The following AKAP13 variants were observed in gnomAD, a reference collection of about 807,000 sequenced individuals.
AKAP13 encodes the protein A-kinase anchor protein 13.
A neutral mutation model predicts 264.5 loss-of-function variants in AKAP13; 80 were observed. The ratio of observed to expected loss-of-function variants is 0.30; its 90% CI spans 0.25 to 0.36. The LOEUF is 0.36. AKAP13 is among the 10% of genes least tolerant of loss of function. The probability of loss-of-function intolerance (pLI) is 1.00; values close to 1 mark genes in which losing one functional copy is unlikely to be tolerated. For synonymous variants in AKAP13, 1,380 were observed against 1,250.2 expected (o/e 1.10, Z -2.19); for missense variants, 3,712 against 3,435.2 (o/e 1.08, Z -2.01).
chr15:85,484,418 CAGG>C, intron 1 of AKAP13, among the ~76,000 whole-genome samples: 1 of 151,966 alleles, frequency 6.6e-6, no homozygotes, highest in East Asian at 1.9e-4. Flanking sequence ...TGCCCTGAGC[CAGG>C]AGGTCTGTTA....
At position 85,718,840 on chromosome 15, in the gene AKAP13, C is replaced by A; in HGVS notation, c.6002-236C>A. On this transcript the variant is annotated intron_variant, in intron 22 of 36. Transcript: ENST00000394518. The surrounding 1 kb of genome is among the most constrained non-coding windows in gnomAD (Gnocchi z 4.9). ...GCTTGAGCCCAGGAGGTTGAGGCTG[C>A]AATGAGCCATGACTTCAGCCTGCAC... is the stretch of plus-strand genomic sequence containing the variant. 4.1e-6 allele frequency: 2 copies of A among 483,804 alleles called. No individual in the cohort carries two copies. Among genetic ancestry groups the A allele is most frequent in the South Asian group, 4.4e-5 (2 of 45,386 alleles). The allele number at this position is 483,804 out of a possible 1,614,324, so 30.0% of individuals were successfully genotyped here. A position where few individuals can be genotyped will look rare whatever the true frequency, so the allele number is the denominator to read the frequency against.
chr15:85,487,639 C>G (rs148836620), intron 2 of AKAP13, among the ~76,000 whole-genome samples: 2,376 of 152,178 alleles, frequency 0.016, 66 homozygotes, highest in African/African-American at 0.054. Flanking sequence ...GATCATAGCT[C>G]ACAGCATCGT....
intron 8 of AKAP13, among the ~76,000 whole-genome samples, chr15:85,593,896 A>C (rs1328157167): frequency 6.6e-6 from 1 of 152,216 alleles, no homozygotes; most frequent in Non-Finnish European, 1.5e-5. Flanking sequence ...TAGTTTTGCC[A>C]ACTACCAGCT....
rs769512749 is a variant in AKAP13, at chr15:85,727,477, A to T, written c.7087+14A>T. 3.1e-6 allele frequency: 5 copies of T among 1,613,634 alleles called. No homozygotes were observed. In the South Asian group the frequency reaches 5.5e-5, roughly 18 times the overall value. On this transcript the variant is annotated intron_variant, in intron 29 of 36. Transcript: ENST00000394518. This position sits in a 1 kb window ranked among gnomAD's most constrained non-coding sequence, Gnocchi z 5.3. ...GAGAATTAAAAGGTGAGGCATTGCG[A>T]GTGGTCTGAGCCCCTTGTCTGGAAT... is the stretch of plus-strand genomic sequence containing the variant.
chr15:85,505,201 C>A (rs947110974), intron 2 of AKAP13, among the ~76,000 whole-genome samples: 1 of 152,186 alleles, frequency 6.6e-6, no homozygotes, highest in Non-Finnish European at 1.5e-5. Context: ...TGTCTGAAAT[C>A]CCTGTTAGAA....
At position 85,675,297 on chromosome 15, in the gene AKAP13, C is replaced by G. The variant is rs558870227; in HGVS notation, c.5101+5467C>G. On this transcript the variant is annotated intron_variant, in intron 14 of 36. Coordinates refer to ENST00000394518, the MANE Select transcript of AKAP13 (RefSeq NM_007200.5). ...ATCTTACTTTTGCACAAGACTCTGC[C>G]TGAGAAACTAGTGTGTATTTGTACC... Among the ~76,000 whole-genome samples, 16 of 152,302 alleles carry G rather than the reference C, an allele frequency of 1.1e-4. No individual in the cohort carries two copies. The South Asian group carries it at 2.9e-3, about 28-fold the overall frequency.
At chr15:85,651,218 A>G (rs1457524578) in intron 10 of AKAP13, among the ~76,000 whole-genome samples, 1 of 152,248 alleles carries the variant, frequency 6.6e-6, no homozygotes, top group Non-Finnish European at 1.5e-5. Flanking sequence ...ACATTTTATT[A>G]AGAATATATT....
intron 1 of AKAP13, among the ~76,000 whole-genome samples, chr15:85,399,790 G>A (rs557787342): frequency 5.3e-5 from 8 of 151,924 alleles, no homozygotes; most frequent in African/African-American, 9.6e-5. Context: ...CTTAGTTGTC[G>A]GTTCAGATTA....
rs2070280867 is a variant in AKAP13 at position 85,381,688 on chromosome 15, T to A, written c.-12+890T>A. On this transcript the variant is annotated intron_variant, in intron 1 of 36. Coordinates refer to ENST00000394518, the MANE Select transcript of AKAP13 (RefSeq NM_007200.5). ...ATACCGTCCCATTTAATTTTCTAGATCCCGGAATTCACAATGAAAATTGGA... is the reference window on the plus strand; with the variant it reads ...ATACCGTCCCATTTAATTTTCTAGAACCCGGAATTCACAATGAAAATTGGA... 5 of 152,116 alleles carry A rather than the reference T, an allele frequency of 3.3e-5. 1 individual carries two copies. In the South Asian group the frequency reaches 1.0e-3, roughly 32 times the overall value. 9.4% of individuals were successfully genotyped at this position (152,116 alleles called of 1,614,324 possible).
chr15:85,530,494 T>C (rs1384687599), intron 3 of AKAP13, among the ~76,000 whole-genome samples: 1 of 152,214 alleles, frequency 6.6e-6, no homozygotes, highest in Non-Finnish European at 1.5e-5. Context: ...ATATTCTGTT[T>C]TACATAGTGT....
chr15:85,675,145 T>G (rs1416128358), intron 14 of AKAP13, among the ~76,000 whole-genome samples: 1 of 152,210 alleles, frequency 6.6e-6, no homozygotes, highest in African/African-American at 2.4e-5. Context: ...AGATTTTTCC[T>G]TATGATCCAT....
intron 1 of AKAP13, among the ~76,000 whole-genome samples, chr15:85,383,285 A>G (rs1052175315): frequency 3.3e-5 from 5 of 151,860 alleles, no homozygotes; most frequent in Non-Finnish European, 5.9e-5. Flanking sequence ...AAAAAAGTAC[A>G]CCCTTTGGAA....
chr15:85,534,065 G>A, intron 4 of AKAP13, 185 bp downstream of exon 4: 1 of 592,922 alleles, frequency 1.7e-6, no homozygotes, highest in East Asian at 3.0e-5. Context: ...GAGCTGTTAA[G>A]CATGTTGTTG....
intron 2 of AKAP13, among the ~76,000 whole-genome samples, chr15:85,521,216 C>T (rs572033685): frequency 2.0e-5 from 3 of 152,272 alleles, no homozygotes; most frequent in South Asian, 2.1e-4. Context: ...GAAGAGAGAG[C>T]GATCTTATTT....
intron 2 of AKAP13, among the ~76,000 whole-genome samples, chr15:85,507,178 G>A (rs1224886518): frequency 6.6e-6 from 1 of 151,944 alleles, no homozygotes; most frequent in African/African-American, 2.4e-5. Flanking sequence ...CTAAATCAGG[G>A]GGTCTTAATC....
intron 15 of AKAP13, among the ~76,000 whole-genome samples, chr15:85,683,090 A>C (rs1351167027): frequency 2.6e-5 from 4 of 152,250 alleles, no homozygotes; most frequent in Non-Finnish European, 5.9e-5. Flanking sequence ...GTTTTTTCTG[A>C]GTTGCCTTCT....
At chr15:85,491,077 G>T (rs774032927) in intron 2 of AKAP13, among the ~76,000 whole-genome samples, 11 of 152,128 alleles carry the variant, frequency 7.2e-5, no homozygotes, top group Non-Finnish European at 1.2e-4. Flanking sequence ...AGTGGCTGGG[G>T]CTTAATGAGT....
At chr15:85,721,885 A>G in intron 23 of AKAP13, 106 bp from the exon 24 acceptor site, 1 of 1,517,516 alleles carries the variant, frequency 6.6e-7, no homozygotes, top group Admixed American at 2.2e-5. Flanking sequence ...GGGAGAATTT[A>G]TGAGGAAGCG....
chr15:85,661,919 A>T (rs1422258004), intron 12 of AKAP13, among the ~76,000 whole-genome samples: 1 of 140,332 alleles, frequency 7.1e-6, no homozygotes, highest in South Asian at 2.3e-4. Flanking sequence ...AAAAAAAAAA[A>T]CCGGATGACT....
Sources: gnomAD v4.1 joint callset for allele counts (sites outside exome capture counted in the v4.1 genomes callset) on GRCh38, gnomAD v4.1.1 for gene constraint, Gnocchi (gnomAD v3.1) non-coding constraint, MANE v1.5 for transcripts, NCBI Gene and HGNC (gene_info 2026-07-23, HGNC 2026-07-21) for gene names.